Variants in TBC1D32 observed in about 807,000 individuals in gnomAD.
TBC1D32 encodes protein broad-minded.
Under a neutral mutation model 170.3 loss-of-function variants are expected in TBC1D32, and 151 were observed. That is an observed-to-expected ratio of 0.89 (90% CI 0.78 to 1.01). TBC1D32 has a LOEUF of 1.01. Ranked by LOEUF, TBC1D32 falls within the 50% of genes least tolerant of loss-of-function variation. The pLI, the probability that TBC1D32 is intolerant of heterozygous loss-of-function variation, is 0.00. For synonymous variants in TBC1D32, 498 were observed against 488.0 expected, an observed-to-expected ratio of 1.02 and a Z score of -0.27; for missense variants, 1,464 against 1,457.1, an observed-to-expected ratio of 1.00 and a Z score of -0.08.
chr6:121,288,854 C>A (rs1249159056), intron 12 of TBC1D32, among the ~76,000 whole-genome samples: 1 of 152,070 alleles, frequency 6.6e-6, no homozygotes. Flanking sequence ...TCAACATACA[C>A]AAATCAATAA....
chr6:121,129,040 C>T (rs575505028), intron 25 of TBC1D32, among the ~76,000 whole-genome samples: 1 of 152,224 alleles, frequency 6.6e-6, no homozygotes, highest in Admixed American at 6.5e-5. Context: ...GACAGCAATT[C>T]CTTACAAGAC....
intron 31 of TBC1D32, among the ~76,000 whole-genome samples, chr6:121,085,751 T>C (rs1250812409): frequency 6.6e-6 from 1 of 152,102 alleles, no homozygotes; most frequent in Non-Finnish European, 1.5e-5. Context: ...TTTGTAATTC[T>C]GGATAGAATG....
At chr6:121,191,566 G>C (rs541848961) in intron 22 of TBC1D32, among the ~76,000 whole-genome samples, 2 of 152,102 alleles carry the variant, frequency 1.3e-5, no homozygotes, top group Non-Finnish European at 2.9e-5. Flanking sequence ...ACTATAGGAG[G>C]CCTGCTCACT....
intron 1 of TBC1D32, among the ~76,000 whole-genome samples, chr6:121,329,889 T>C (rs1478029495): frequency 6.6e-6 from 1 of 152,008 alleles, no homozygotes; most frequent in African/African-American, 2.4e-5. Context: ...AAAGAACAAG[T>C]ATTTTACATC....
intron 22 of TBC1D32, among the ~76,000 whole-genome samples, chr6:121,201,419 G>A (rs1018120357): frequency 6.6e-6 from 1 of 151,430 alleles, no homozygotes; most frequent in African/African-American, 2.5e-5. Context: ...CACAGGTGAG[G>A]ACAGGGGAAG....
chr6:121,118,100 ATGAG>A (rs1299350808), intron 26 of TBC1D32, among the ~76,000 whole-genome samples: 3 of 152,338 alleles, frequency 2.0e-5, no homozygotes, highest in African/African-American at 7.2e-5. Context: ...GAATGAATGA[ATGAG>A]TAAATGAATG....
At chr6:121,233,674 T>A (rs1282489105) in intron 20 of TBC1D32, among the ~76,000 whole-genome samples, 1 of 152,156 alleles carries the variant, frequency 6.6e-6, no homozygotes, top group African/African-American at 2.4e-5. Flanking sequence ...CCATTCTGTA[T>A]CTTTTAAGTG....
In TBC1D32 at chr6:121,242,273, TAGTAATCCTTTGGGG is replaced by T. The variant is rs1397449345; in HGVS notation, c.2070_2084del (p.Pro691_Leu695del). ...TGATAGCACCTGTTCTTTGAAGAAG[TAGTAATCCTTTGGGG>T]GTGGCAGCAAAATGTAGTAAATCAT... is the stretch of plus-strand genomic sequence containing the variant. On this transcript the variant is annotated inframe_deletion, in exon 18 of 32. Coordinates refer to ENST00000398212, the MANE Select transcript of TBC1D32 (RefSeq NM_152730.6). 3.7e-6 allele frequency: 6 copies of T among 1,612,760 alleles called. No individual in the cohort carries two copies. The highest frequency in any genetic ancestry group is 5.1e-6 in the Non-Finnish European group (6 of 1,179,312).
At chr6:121,262,706 A>ACC (rs1178814380) in intron 15 of TBC1D32, among the ~76,000 whole-genome samples, 10 of 152,080 alleles carry the variant, frequency 6.6e-5, no homozygotes, top group Admixed American at 6.6e-4. Flanking sequence ...CGAACTCCTG[A>ACC]CCTCAGGTGA....
chr6:121,315,471 A>C (rs1033226721), intron 3 of TBC1D32, among the ~76,000 whole-genome samples: 2 of 152,170 alleles, frequency 1.3e-5, no homozygotes, highest in African/African-American at 4.8e-5. Flanking sequence ...TCATACTTAC[A>C]CTAACAGTCT....
chr6:121,087,681 C>A (rs1226797280), intron 31 of TBC1D32, among the ~76,000 whole-genome samples: 1 of 152,106 alleles, frequency 6.6e-6, no homozygotes. Flanking sequence ...TCATTTATAA[C>A]AGTCAGATGC....
intron 22 of TBC1D32, among the ~76,000 whole-genome samples, chr6:121,162,407 A>G (rs938636319): frequency 2.0e-5 from 3 of 152,186 alleles, no homozygotes; most frequent in African/African-American, 7.2e-5. Context: ...GTATCACAAA[A>G]TAATAAGCAC....
At chr6:121,262,442 C>A (rs1170632394) in intron 15 of TBC1D32, among the ~76,000 whole-genome samples, 3 of 151,382 alleles carry the variant, frequency 2.0e-5, no homozygotes, top group African/African-American at 7.3e-5. Context: ...AGCAAAAAAT[C>A]TATAGGCCAG....
At chr6:121,314,835 T>C (rs1808703308) in intron 3 of TBC1D32, among the ~76,000 whole-genome samples, 1 of 152,148 alleles carries the variant, frequency 6.6e-6, no homozygotes, top group African/African-American at 2.4e-5. Context: ...TCTATTTGAG[T>C]GTGTCTCTGA....
chr6:121,212,145 C>T (rs1407619005), intron 21 of TBC1D32, among the ~76,000 whole-genome samples: 2 of 152,026 alleles, frequency 1.3e-5, no homozygotes, highest in African/African-American at 2.4e-5. Context: ...AATTCCTGGA[C>T]ACATATGCCC....
intron 1 of TBC1D32, among the ~76,000 whole-genome samples, chr6:121,333,703 T>C (rs1811490181): frequency 6.6e-6 from 1 of 152,226 alleles, no homozygotes; most frequent in Non-Finnish European, 1.5e-5. Flanking sequence ...TTATAATTAA[T>C]ATTACTGTGC....
chr6:121,223,003 T>A (rs1794690335), intron 21 of TBC1D32, among the ~76,000 whole-genome samples: 1 of 152,214 alleles, frequency 6.6e-6, no homozygotes, highest in African/African-American at 2.4e-5. Context: ...TCTTTCCTGG[T>A]TGGAGTTAGC....
At position 121,102,332 on chromosome 6, in the gene TBC1D32, C is replaced by G. The variant is rs570127451; in HGVS notation, c.3465+3691G>C. On this transcript the variant is annotated intron_variant, in intron 30 of 31. Transcript: ENST00000398212. Reference sequence around the variant, plus strand: ...CTGGAGGCATCATGCTACCTGACTTCAAACTATACTACAAGGCTACAGTAA... The same window carrying G: ...CTGGAGGCATCATGCTACCTGACTTGAAACTATACTACAAGGCTACAGTAA... Among the ~76,000 whole-genome samples, 6 of 152,220 alleles carry G rather than the reference C, an allele frequency of 3.9e-5. No individual in the cohort carries two copies. The East Asian group carries it at 9.7e-4, about 25-fold the overall frequency.
intron 26 of TBC1D32, among the ~76,000 whole-genome samples, chr6:121,118,597 T>TA (rs1779927235): frequency 1.3e-5 from 2 of 152,032 alleles, no homozygotes; most frequent in Admixed American, 6.6e-5. Flanking sequence ...TGGAAAAAAA[T>TA]AAATTTTCAG....
Sources: allele counts gnomAD v4.1 joint callset (sites outside exome capture counted in the v4.1 genomes callset), GRCh38; gene constraint gnomAD v4.1.1; transcripts MANE v1.5; gene names NCBI Gene and HGNC (gene_info 2026-07-23, HGNC 2026-07-21).